Variants in PTPRM observed in about 807,000 individuals in gnomAD.
PTPRM encodes receptor-type tyrosine-protein phosphatase mu.
In PTPRM, 47 loss-of-function variants were observed where a neutral mutation model predicts 186.7. The ratio of observed to expected loss-of-function variants is 0.25; its 90% CI spans 0.20 to 0.32. The LOEUF is 0.32. Among genes scored for constraint, PTPRM ranks in the 10% least tolerant of loss-of-function variants. The pLI is 1.00. For missense variants in PTPRM, 1,494 were observed against 1,865.0 expected (o/e 0.80, Z 3.66); for synonymous variants, 668 against 674.9 (o/e 0.99, Z 0.16).
At chr18:8,302,421 T>C (rs907520071) in intron 20 of PTPRM, among the ~76,000 whole-genome samples, 4 of 152,082 alleles carry the variant, frequency 2.6e-5, no homozygotes, top group African/African-American at 9.7e-5. Flanking sequence ...AAGCCAGACC[T>C]ACAGAGCCTT....
chr18:8,206,268 A>ATTTTTTTTTTTTTTTT (rs1238112461), intron 14 of PTPRM, among the ~76,000 whole-genome samples: 10 of 148,988 alleles, frequency 6.7e-5, no homozygotes, highest in African/African-American at 2.6e-4. Flanking sequence ...ATTTTATTTT[A>ATTTTTTTTTTTTTTTT]TTTTGAGACG....
rs145140882 is a variant in PTPRM at position 7,761,120 on chromosome 18, A to G, written c.74-13029A>G. 2.7e-4 allele frequency among the ~76,000 whole-genome samples: 41 copies of G among 152,348 alleles called. 1 individual carries two copies. In the East Asian group the frequency reaches 5.4e-3, roughly 20 times the overall value. The stretch of plus-strand genomic sequence containing the variant: ...TAATGTTTTTAGTTCCCTATATTTT[A>G]GCAACTAATTGGTCATGGAAAAGGA... On this transcript the variant is annotated intron_variant, in intron 1 of 32. Coordinates refer to ENST00000580170, the MANE Select transcript of PTPRM (RefSeq NM_001105244.2).
intron 3 of PTPRM, among the ~76,000 whole-genome samples, chr18:7,901,713 A>G (rs148462629): frequency 0.013 from 1,961 of 152,306 alleles, 20 homozygotes; most frequent in South Asian, 0.033. Flanking sequence ...AACAAAGGGA[A>G]ATCTCTCAAT....
intron 19 of PTPRM, among the ~76,000 whole-genome samples, chr18:8,295,773 A>G (rs1008713284): frequency 6.6e-6 from 1 of 152,180 alleles, no homozygotes; most frequent in Non-Finnish European, 1.5e-5. Flanking sequence ...ACAAAAAAAA[A>G]TTGAATAACC....
chr18:8,230,378 C>T (rs968756458), intron 14 of PTPRM, among the ~76,000 whole-genome samples: 3 of 152,202 alleles, frequency 2.0e-5, no homozygotes, highest in Non-Finnish European at 4.4e-5. Context: ...CAGTCAACAG[C>T]TATAAAGTCC....
chr18:8,048,473 T>C (rs563777703), intron 7 of PTPRM, among the ~76,000 whole-genome samples: 10 of 152,166 alleles, frequency 6.6e-5, no homozygotes, highest in Admixed American at 2.6e-4. Context: ...CTGAGTTTTC[T>C]GTCATCTCAT....
At chr18:8,395,530 G>A (rs150870414) in intron 32 of PTPRM, among the ~76,000 whole-genome samples, 19 of 152,282 alleles carry the variant, frequency 1.2e-4, no homozygotes, top group South Asian at 1.0e-3. Flanking sequence ...GCTCCCAAAC[G>A]TGTCCCACTC....
At chr18:8,219,218 A>G (rs2094125213) in intron 14 of PTPRM, among the ~76,000 whole-genome samples, 1 of 152,246 alleles carries the variant, frequency 6.6e-6, no homozygotes, top group Non-Finnish European at 1.5e-5. Flanking sequence ...CTGTAATCCC[A>G]GCACTTTGGG....
chr18:8,171,041 A>C (rs1443333035), intron 14 of PTPRM, among the ~76,000 whole-genome samples: 1 of 152,184 alleles, frequency 6.6e-6, no homozygotes, highest in Non-Finnish European at 1.5e-5. Context: ...GCTGAGGGCT[A>C]AGAGATGAGG....
chr18:7,966,674 C>T lies in PTPRM; in HGVS notation c.1132+11260C>T, dbSNP rs1030518364. Among the ~76,000 whole-genome samples the T allele has an allele frequency of 1.5e-4, 22 of 147,948 alleles. 1 individual carries two copies. The highest frequency in any genetic ancestry group is 1.2e-3 in the Admixed American group (18 of 14,750). ...GCAAGGGGTCAGGGAGTTCCCTTTC[C>T]GAGTCAAAGAAAGGGGTGACGGGCG... On this transcript the variant is annotated intron_variant, in intron 7 of 32. Transcript: ENST00000580170.
chr18:8,076,749 T>A (rs1237581849), intron 9 of PTPRM, among the ~76,000 whole-genome samples, 185 bp downstream of exon 9: 1 of 152,110 alleles, frequency 6.6e-6, no homozygotes, highest in South Asian at 2.1e-4. Flanking sequence ...TATATATAAT[T>A]TGAGGATTTA....
chr18:7,889,842 C>T (rs2048979516), intron 3 of PTPRM, among the ~76,000 whole-genome samples: 2 of 152,178 alleles, frequency 1.3e-5, no homozygotes, highest in South Asian at 2.1e-4. Context: ...GAGTCCTTGT[C>T]ACAGAGGCAC....
chr18:8,293,822 G>C (rs2095066174), intron 19 of PTPRM, among the ~76,000 whole-genome samples: 1 of 152,160 alleles, frequency 6.6e-6, no homozygotes, highest in African/African-American at 2.4e-5. Context: ...GTTCTAGATG[G>C]AATCAACTAG....
intron 23 of PTPRM, among the ~76,000 whole-genome samples, chr18:8,349,834 G>T (rs1041721869): frequency 1.3e-5 from 2 of 152,220 alleles, no homozygotes; most frequent in African/African-American, 2.4e-5. Flanking sequence ...CTCCAGTGCA[G>T]CTTGGGAATT....
intron 7 of PTPRM, among the ~76,000 whole-genome samples, chr18:8,012,489 G>T (rs1234249583): frequency 6.6e-6 from 1 of 152,146 alleles, no homozygotes; most frequent in African/African-American, 2.4e-5. Flanking sequence ...TTTCATCATT[G>T]CATGAACACC....
chr18:7,973,788 A>G lies in PTPRM; in HGVS notation c.1132+18374A>G, dbSNP rs937294871. 5.3e-5 allele frequency among the ~76,000 whole-genome samples: 8 copies of G among 152,280 alleles called. 1 individual carries two copies. The Middle Eastern group carries it at 0.017, about 324-fold the overall frequency. On this transcript the variant is annotated intron_variant, in intron 7 of 32. Coordinates refer to ENST00000580170, the MANE Select transcript of PTPRM (RefSeq NM_001105244.2). ...GGAATATAAATCAGTCCAAATATAT[A>G]TTAATTTATCTTGGTAGATGTCTAC...
intron 14 of PTPRM, among the ~76,000 whole-genome samples, chr18:8,237,007 T>G (rs577399851): frequency 1.6e-4 from 24 of 152,344 alleles, no homozygotes; most frequent in Admixed American, 1.4e-3. Flanking sequence ...CCATTTTGTC[T>G]TCTTTATTAG....
chr18:7,852,640 G>T (rs961241970), intron 2 of PTPRM, among the ~76,000 whole-genome samples: 2 of 151,936 alleles, frequency 1.3e-5, no homozygotes, highest in Admixed American at 1.3e-4. Flanking sequence ...AGCCAAGATC[G>T]TGCCACTGCA....
Position 7,765,194 on chromosome 18 carries a change from G to T in PTPRM, c.74-8955G>T, listed in dbSNP as rs114659693. On this transcript the variant is annotated intron_variant, in intron 1 of 32. Coordinates refer to ENST00000580170, the MANE Select transcript of PTPRM (RefSeq NM_001105244.2). ...CCTTTTAAAAAATTAGGAATCCATAGATTGATATGAAATGAAGATGGGGTA... is the reference window on the plus strand; with the variant it reads ...CCTTTTAAAAAATTAGGAATCCATATATTGATATGAAATGAAGATGGGGTA... Among the ~76,000 whole-genome samples, 1,183 of 152,192 alleles carry T rather than the reference G, an allele frequency of 7.8e-3. 17 individuals carry two copies. Among genetic ancestry groups the T allele is most frequent in the African/African-American group, 0.026 (1,088 of 41,490 alleles).
Sources: allele counts gnomAD v4.1 joint callset (sites outside exome capture counted in the v4.1 genomes callset), GRCh38; gene constraint gnomAD v4.1.1; transcripts MANE v1.5; gene names NCBI Gene and HGNC (gene_info 2026-07-23, HGNC 2026-07-21).